C11orf65: variants seen among roughly 807,000 people sequenced by gnomAD.
C11orf65 encodes chromosome 11 open reading frame 65, also known as protein MFI.
In C11orf65, 38 loss-of-function variants were observed where a neutral mutation model predicts 35.3. That is an observed-to-expected ratio of 1.08 (90% CI 0.83 to 1.41). C11orf65 has a LOEUF of 1.41. C11orf65 is among the 40% of genes most tolerant of loss of function. C11orf65 has a pLI of 0.00. For missense variants in C11orf65, 370 were observed against 367.1 expected (o/e 1.01, Z -0.06); for synonymous variants, 105 against 114.4 (o/e 0.92, Z 0.53).
At chr11:108,373,792 G>A (rs920217386) in intron 2 of C11orf65, among the ~76,000 whole-genome samples, 7 of 152,330 alleles carry the variant, frequency 4.6e-5, no homozygotes, top group African/African-American at 7.2e-5. Flanking sequence ...GGTGACAGAC[G>A]GCACCTGGAA....
intron 3 of C11orf65, 27 bp from the exon 4 acceptor site, chr11:108,407,176 T>C (rs760127880): frequency 3.4e-6 from 5 of 1,461,930 alleles, no homozygotes; most frequent in East Asian, 2.5e-5. Flanking sequence ...TATTCTTATA[T>C]ATTATTCTTC....
intron 2 of C11orf65, among the ~76,000 whole-genome samples, chr11:108,376,432 A>G (rs868574779): frequency 3.3e-5 from 5 of 152,238 alleles, no homozygotes; most frequent in Admixed American, 1.3e-4. Context: ...TGAAACCAAC[A>G]AGAACAAAGA....
At chr11:108,357,427 C>G (rs1262141225) in intron 2 of C11orf65, among the ~76,000 whole-genome samples, 1 of 152,028 alleles carries the variant, frequency 6.6e-6, no homozygotes, top group Non-Finnish European at 1.5e-5. Flanking sequence ...GAAGCTCGAA[C>G]TGGGTGGAAC....
At chr11:108,328,758 A>C (rs1465736753), downstream of C11orf65, among the ~76,000 whole-genome samples, 1 of 152,204 alleles carries the variant, frequency 6.6e-6, no homozygotes, top group African/African-American at 2.4e-5. Flanking sequence ...AATGATAGCT[A>C]ATGAGCTTAA....
At chr11:108,455,707 T>C (rs1324379003) in intron 2 of C11orf65, among the ~76,000 whole-genome samples, 1 of 150,700 alleles carries the variant, frequency 6.6e-6, no homozygotes, top group African/African-American at 2.4e-5. Context: ...TCCCAGCTAC[T>C]CGGGAGGCTG....
At chr11:108,361,783 A>C (rs1451114861) in intron 2 of C11orf65, among the ~76,000 whole-genome samples, 1 of 152,132 alleles carries the variant, frequency 6.6e-6, no homozygotes, top group Non-Finnish European at 1.5e-5. Context: ...CTTACACCTG[A>C]TACAAAAATT....
chr11:108,409,640 TCCCCAACCCCCAGGCCATGGA>T (rs1365482525), intron 3 of C11orf65, among the ~76,000 whole-genome samples: 5 of 151,742 alleles, frequency 3.3e-5, no homozygotes, highest in Admixed American at 3.3e-4. Flanking sequence ...ACAGCAGGGG[TCCCCAACCCCCAGGCCATGGA>T]CTGGTACCAG....
At chr11:108,404,993 TA>T (rs911470626) in intron 6 of C11orf65, among the ~76,000 whole-genome samples, 3 of 152,200 alleles carry the variant, frequency 2.0e-5, no homozygotes, top group African/African-American at 7.2e-5. Context: ...TAACTTTAGT[TA>T]AAAAGATTAA....
At chr11:108,425,741 A>T (rs2138967502) in intron 3 of C11orf65, among the ~76,000 whole-genome samples, 1 of 152,338 alleles carries the variant, frequency 6.6e-6, no homozygotes, top group Middle Eastern at 3.4e-3. Flanking sequence ...CAATGTGAAA[A>T]TCCTCCATAA....
intron 1 of C11orf65, among the ~76,000 whole-genome samples, chr11:108,463,247 AAGAC>A (rs72179083): frequency 0.36 from 55,105 of 151,856 alleles, 11,218 homozygotes; most frequent in Middle Eastern, 0.63. Flanking sequence ...AATGTTTAGA[AAGAC>A]AGAGGCTAAA....
At chr11:108,320,547 A>G (rs1462668197) in intron 6 of C11orf65, among the ~76,000 whole-genome samples, 1 of 152,262 alleles carries the variant, frequency 6.6e-6, no homozygotes, top group South Asian at 2.1e-4. Context: ...TTAAGTGCCT[A>G]TGATATGCTA....
At chr11:108,441,281 C>G (rs2093149487) in intron 2 of C11orf65, among the ~76,000 whole-genome samples, 1 of 152,214 alleles carries the variant, frequency 6.6e-6, no homozygotes, top group African/African-American at 2.4e-5. Context: ...GGAGAGGCGT[C>G]TGCCATTGCT....
At chr11:108,418,325 A>C (rs1375297972) in intron 3 of C11orf65, among the ~76,000 whole-genome samples, 1 of 152,164 alleles carries the variant, frequency 6.6e-6, no homozygotes, top group Non-Finnish European at 1.5e-5. Context: ...GTACAGATAA[A>C]AATTTATAAA....
intron 2 of C11orf65, chr11:108,353,931 A>G: frequency 2.6e-6 from 4 of 1,515,870 alleles, no homozygotes; most frequent in South Asian, 2.2e-5. Flanking sequence ...TCAAAATTAC[A>G]TGGGCTGGGC....
chr11:108,325,040 T>G (rs1178953363), intron 6 of C11orf65, among the ~76,000 whole-genome samples: 1 of 152,166 alleles, frequency 6.6e-6, no homozygotes, highest in East Asian at 1.9e-4. Context: ...GGGCTGCTTT[T>G]TGTAATGTCA....
intron 7 of C11orf65, among the ~76,000 whole-genome samples, chr11:108,386,808 G>A (rs1198233090): frequency 6.6e-6 from 1 of 152,224 alleles, no homozygotes; most frequent in Admixed American, 6.5e-5. Flanking sequence ...TTGGCTGGGC[G>A]CAGTGGCTCA....
At chr11:108,405,915 C>T (rs2092531839) in intron 5 of C11orf65, among the ~76,000 whole-genome samples, 1 of 152,172 alleles carries the variant, frequency 6.6e-6, no homozygotes, top group South Asian at 2.1e-4. Context: ...AGGAGTACAG[C>T]CACCCTTCAG....
chr11:108,393,080 T>G (rs1274300658), intron 7 of C11orf65, 128 bp downstream of exon 7: 1 of 991,172 alleles, frequency 1.0e-6, no homozygotes, highest in Non-Finnish European at 1.5e-6. Flanking sequence ...AGACAAATAA[T>G]AGATACTCGG....
downstream of C11orf65, chr11:108,329,277 A>T: frequency 6.6e-7 from 1 of 1,526,464 alleles, no homozygotes; most frequent in Non-Finnish European, 9.0e-7. Flanking sequence ...TATGTTCACC[A>T]GTTAACTGAG....
Sources: gnomAD v4.1 joint callset for allele counts (sites outside exome capture counted in the v4.1 genomes callset) on GRCh38, gnomAD v4.1.1 for gene constraint, MANE v1.5 for transcripts, NCBI Gene and HGNC (gene_info 2026-07-23, HGNC 2026-07-21) for gene names.